Variants in SLC26A5 observed in about 807,000 individuals in gnomAD.
The protein encoded by SLC26A5 is prestin.
Under a neutral mutation model 81.0 loss-of-function variants are expected in SLC26A5, and 51 were observed. The observed-to-expected ratio is 0.63, with a 90% CI of 0.50 to 0.80. The LOEUF (loss-of-function observed/expected upper bound fraction) is 0.80. Ranked by LOEUF, SLC26A5 falls within the 30% of genes least tolerant of loss-of-function variation. The probability of loss-of-function intolerance (pLI) is 0.00; values close to 1 mark genes in which losing one functional copy is unlikely to be tolerated. For synonymous variants in SLC26A5, 325 were observed against 332.8 expected, an observed-to-expected ratio of 0.98 and a Z score of 0.25; for missense variants, 771 against 905.8, an observed-to-expected ratio of 0.85 and a Z score of 1.91.
intron 8 of SLC26A5, among the ~76,000 whole-genome samples, chr7:103,402,842 T>G (rs890928100): frequency 2.0e-5 from 3 of 151,162 alleles, no homozygotes; most frequent in African/African-American, 7.4e-5. Flanking sequence ...ATTCATTGAT[T>G]TTTTTGAAGG....
intron 19 of SLC26A5, chr7:103,362,346 A>C: frequency 7.4e-7 from 1 of 1,359,602 alleles, no homozygotes; most frequent in Non-Finnish European, 9.4e-7. Context: ...AGTCCATTTA[A>C]GGTAACATGG....
chr7:103,419,058 C>T (rs181291472), intron 4 of SLC26A5, among the ~76,000 whole-genome samples: 21 of 152,076 alleles, frequency 1.4e-4, no homozygotes, highest in African/African-American at 3.6e-4. Context: ...GATGATTTTA[C>T]GAGGGGCAGT....
intron 9 of SLC26A5, among the ~76,000 whole-genome samples, chr7:103,397,690 C>T (rs1823244740): frequency 6.7e-6 from 1 of 149,746 alleles, no homozygotes; most frequent in South Asian, 2.1e-4. Context: ...GCACTCCAGC[C>T]CAGGCGACAG....
chr7:103,373,935 G>T (rs1337313391), downstream of SLC26A5, among the ~76,000 whole-genome samples: 1 of 151,974 alleles, frequency 6.6e-6, no homozygotes, highest in African/African-American at 2.4e-5. Context: ...ATAAATAAAA[G>T]GTTATTTTAA....
At chr7:103,359,307 AT>A (rs1047097907) in intron 19 of SLC26A5, among the ~76,000 whole-genome samples, 1 of 151,536 alleles carries the variant, frequency 6.6e-6, no homozygotes, top group Non-Finnish European at 1.5e-5. Context: ...CAGCTTATGA[AT>A]TTTTTTAATA....
intron 19 of SLC26A5, among the ~76,000 whole-genome samples, chr7:103,358,803 G>A (rs1820190262): frequency 1.3e-5 from 2 of 151,928 alleles, no homozygotes; most frequent in Admixed American, 1.3e-4. Flanking sequence ...GCAGTTAGAG[G>A]GAAACTTTTC....
chr7:103,439,819 G>A (rs1826741520), intron 2 of SLC26A5, among the ~76,000 whole-genome samples: 1 of 152,168 alleles, frequency 6.6e-6, no homozygotes, highest in Admixed American at 6.5e-5. Context: ...ATAGACGTGA[G>A]CCACCGCAGT....
At chr7:103,368,998 C>T (rs1047187741) in intron 19 of SLC26A5, 4 of 152,130 alleles carry the variant, frequency 2.6e-5, no homozygotes, top group African/African-American at 9.7e-5. Flanking sequence ...CCCCTTCCCC[C>T]AATGCCAAGA....
At chr7:103,388,144 G>A (rs1389297414) in intron 14 of SLC26A5, among the ~76,000 whole-genome samples, 1 of 151,110 alleles carries the variant, frequency 6.6e-6, no homozygotes, top group Non-Finnish European at 1.5e-5. Context: ...GCCTTCCAAA[G>A]GGCTGGAATT....
rs143660916 is a variant in SLC26A5, at chr7:103,385,939, T to C, written c.1514+3069A>G. 3.2e-4 allele frequency among the ~76,000 whole-genome samples: 49 copies of C among 151,730 alleles called. No individual in the cohort carries two copies. In the East Asian group the frequency reaches 5.0e-3, roughly 16 times the overall value. ...CGGGAGCTTTTTTCTTTCTTTCTTT[T>C]TTTTTTGAGATAGGCTCTCACTCTT... On this transcript the variant is annotated intron_variant, in intron 14 of 19. Coordinates refer to ENST00000306312, the MANE Select transcript of SLC26A5 (RefSeq NM_198999.3).
At chr7:103,436,968 A>T (rs1178702861) in intron 2 of SLC26A5, among the ~76,000 whole-genome samples, 1 of 152,238 alleles carries the variant, frequency 6.6e-6, no homozygotes, top group Admixed American at 6.5e-5. Flanking sequence ...AAGGCTCTGC[A>T]CAGCAAAGGA....
At position 103,393,009 on chromosome 7, in the gene SLC26A5, G is replaced by A. The variant is rs751904416; in HGVS notation, c.1029C>T (p.Ala343=). The part of the protein sequence containing the change: ...TSLFHLVYVD[A]IAIAIVGFSV... ...AAAATCCAACGATGGCTATGGCAAT[G>A]GCATCTACGTACACAAGGTGGAAGA... is the stretch of plus-strand genomic sequence containing the variant. The change falls in exon 10 of 20, where the codon GCC becomes GCT. Residue 343 remains alanine, a synonymous_variant. Transcript: ENST00000306312. 23 of 1,613,980 alleles carry A rather than the reference G, an allele frequency of 1.4e-5. No individual in the cohort carries two copies. The South Asian group carries it at 2.4e-4, about 17-fold the overall frequency.
Position 103,397,940 on chromosome 7 carries a change from A to C in SLC26A5, c.963T>G (p.Leu321=). The change falls in exon 9 of 20, where the codon CTT becomes CTG. Residue 321 remains leucine, a synonymous_variant. Coordinates refer to ENST00000306312, the MANE Select transcript of SLC26A5 (RefSeq NM_198999.3). ...ESYNVDVVGT[L]PLGLLPPANP... is the part of the protein sequence containing the mutation. ...TAAAACCACTTTCCTACCCTAGAGG[A>C]AGTGTTCCAACGACATCCACATTGT... The C allele has an allele frequency of 6.2e-7, 1 of 1,613,688 alleles. No homozygotes were observed. The highest frequency in any genetic ancestry group is 2.2e-5 in the East Asian group (1 of 44,854).
chr7:103,381,651 A>G (rs1019265027), intron 14 of SLC26A5, among the ~76,000 whole-genome samples: 1 of 151,164 alleles, frequency 6.6e-6, no homozygotes, highest in Non-Finnish European at 1.5e-5. Flanking sequence ...TACCACATAT[A>G]TGCACACACT....
At chr7:103,429,165 AAG>A (rs1467263537) in intron 2 of SLC26A5, among the ~76,000 whole-genome samples, 1 of 152,248 alleles carries the variant, frequency 6.6e-6, no homozygotes, top group East Asian at 1.9e-4. Flanking sequence ...GTCTGAAACT[AAG>A]AGCCATCATC....
rs544315365 is a variant in SLC26A5 at position 103,407,808 on chromosome 7, C to T, written c.888+43G>A. 2.5e-6 allele frequency: 4 copies of T among 1,606,624 alleles called. No individual in the cohort carries two copies. The South Asian group carries it at 4.4e-5, about 18-fold the overall frequency. On this transcript the variant is annotated intron_variant, in intron 8 of 19. Transcript: ENST00000306312. ...AATCCCTCACAGAAATAAGTAAATGCAGTTGTAGAAGCCGAGTAGGTCACT... is the reference window on the plus strand; with the variant it reads ...AATCCCTCACAGAAATAAGTAAATGTAGTTGTAGAAGCCGAGTAGGTCACT...
rs960263522 is a variant in SLC26A5, at chr7:103,390,192, G to A, written c.1311+237C>T. 2.0e-5 allele frequency among the ~76,000 whole-genome samples: 3 copies of A among 152,026 alleles called. No individual in the cohort carries two copies. In the East Asian group the frequency reaches 5.8e-4, roughly 29 times the overall value. On this transcript the variant is annotated intron_variant, in intron 12 of 19. Coordinates refer to ENST00000306312, the MANE Select transcript of SLC26A5 (RefSeq NM_198999.3). The stretch of plus-strand genomic sequence containing the variant: ...TTCAAGATCAGCCAGTCCAAACCCC[G>A]ACTTTGCAGATAAGGAAACCGAGAC...
chr7:103,367,556 G>A lies in SLC26A5; in HGVS notation c.2041+9252C>T. ...TAACAGACCTGATACTTTGGATCCA[G>A]CACTGATGAGGCCAGGGAGATTGGA... On this transcript the variant is annotated intron_variant, in intron 19 of 19. Coordinates refer to the SLC26A5 transcript ENST00000339444. The surrounding 1 kb of genome is among the most constrained non-coding windows in gnomAD (Gnocchi z 6.1). The A allele has an allele frequency of 6.2e-7, 1 of 1,614,148 alleles. No individual in the cohort carries two copies. Among genetic ancestry groups the A allele is most frequent in the Non-Finnish European group, 8.5e-7 (1 of 1,180,030 alleles).
At chr7:103,372,580 C>T (rs1248031021), downstream of SLC26A5, among the ~76,000 whole-genome samples, 1 of 152,116 alleles carries the variant, frequency 6.6e-6, no homozygotes, top group African/African-American at 2.4e-5. Flanking sequence ...TTCCATGTTT[C>T]TGTGGAATGA....
Sources: allele counts gnomAD v4.1 joint callset (sites outside exome capture counted in the v4.1 genomes callset), GRCh38; gene constraint gnomAD v4.1.1; non-coding constraint Gnocchi (gnomAD v3.1); transcripts MANE v1.5; gene names NCBI Gene and HGNC (gene_info 2026-07-23, HGNC 2026-07-21).